Variants in MAGI2 observed in about 807,000 individuals in gnomAD.
The protein encoded by MAGI2 is membrane-associated guanylate kinase, WW and PDZ domain-containing protein 2.
In MAGI2, 35 loss-of-function variants were observed where a neutral mutation model predicts 133.3. The observed-to-expected ratio is 0.26, with a 90% CI of 0.20 to 0.35. The LOEUF is 0.35. Among genes scored for constraint, MAGI2 ranks in the 10% least tolerant of loss-of-function variants. The pLI is 1.00. For synonymous variants in MAGI2, 729 were observed against 710.6 expected, an observed-to-expected ratio of 1.03 and a Z score of -0.41; for missense variants, 1,636 against 1,863.4, an observed-to-expected ratio of 0.88 and a Z score of 2.25.
chr7:78,688,333 T>C (rs1816598838), intron 2 of MAGI2, among the ~76,000 whole-genome samples: 1 of 152,186 alleles, frequency 6.6e-6, no homozygotes, highest in Non-Finnish European at 1.5e-5. Flanking sequence ...CTCACTACGA[T>C]AAAGGAAAGG....
chr7:78,366,310 TTTTTA>T (rs1288114536), intron 7 of MAGI2, among the ~76,000 whole-genome samples: 1 of 152,070 alleles, frequency 6.6e-6, no homozygotes, highest in Non-Finnish European at 1.5e-5. Flanking sequence ...ACCTAGACAG[TTTTTA>T]TTTTATATTT....
chr7:78,350,404 C>G (rs991937131), intron 7 of MAGI2: 2 of 152,176 alleles, frequency 1.3e-5, no homozygotes, highest in African/African-American at 4.8e-5. Context: ...GAATGAGATC[C>G]ACAGGCATTG....
intron 2 of MAGI2, among the ~76,000 whole-genome samples, chr7:78,890,271 A>G (rs1796632056): frequency 6.6e-6 from 1 of 151,844 alleles, no homozygotes; most frequent in Admixed American, 6.5e-5. Context: ...ACCACACAAT[A>G]ATAATGGGGG....
chr7:79,128,197 G>T (rs115730285), intron 1 of MAGI2, among the ~76,000 whole-genome samples: 2,285 of 148,178 alleles, frequency 0.015, 64 homozygotes, highest in African/African-American at 0.054. Flanking sequence ...TTTTTTTTTT[G>T]ACCCAGAAAC....
chr7:78,573,240 A>ATAAATATATATATT (rs1801786153), intron 3 of MAGI2, among the ~76,000 whole-genome samples: 2 of 46,780 alleles, frequency 4.3e-5, no homozygotes, highest in African/African-American at 2.0e-4. Flanking sequence ...ATAAATATAT[A>ATAAATATATATATT]TATATAAATA....
intron 20 of MAGI2, among the ~76,000 whole-genome samples, chr7:78,119,240 A>T (rs1365114853): frequency 1.3e-5 from 2 of 152,206 alleles, no homozygotes; most frequent in African/African-American, 4.8e-5. Flanking sequence ...GATACATGCC[A>T]TTATACATTT....
chr7:79,132,528 T>C lies in MAGI2; in HGVS notation c.302-125322A>G, dbSNP rs115696081. ...TGGTGTATACATACTACATTTTCTT[T>C]ATCCACTCATTAGTCAATGGGCACT... On this transcript the variant is annotated intron_variant, in intron 1 of 21. Coordinates refer to ENST00000354212, the MANE Select transcript of MAGI2 (RefSeq NM_012301.4). 5.5e-3 allele frequency among the ~76,000 whole-genome samples: 832 copies of C among 152,312 alleles called. 11 individuals are homozygous for C. Among genetic ancestry groups the C allele is most frequent in the African/African-American group, 0.019 (793 of 41,578 alleles).
intron 2 of MAGI2, among the ~76,000 whole-genome samples, chr7:78,821,916 T>A (rs1436046520): frequency 6.6e-6 from 1 of 152,056 alleles, no homozygotes; most frequent in Non-Finnish European, 1.5e-5. Flanking sequence ...TACCTTTATC[T>A]GAATTTGGAG....
intron 2 of MAGI2, among the ~76,000 whole-genome samples, chr7:78,834,386 A>G (rs1046766844): frequency 2.6e-5 from 4 of 152,188 alleles, no homozygotes. Flanking sequence ...CTATGCAACT[A>G]CTAAGCCACT....
chr7:79,143,353 T>C (rs1822309598), intron 1 of MAGI2, among the ~76,000 whole-genome samples: 1 of 152,204 alleles, frequency 6.6e-6, no homozygotes, highest in Non-Finnish European at 1.5e-5. Context: ...TGTTTCAGTA[T>C]TAAGTGATGT....
intron 1 of MAGI2, among the ~76,000 whole-genome samples, chr7:79,242,595 C>A (rs1406218270): frequency 6.6e-6 from 1 of 152,034 alleles, no homozygotes; most frequent in African/African-American, 2.4e-5. Context: ...TTTTATGGCA[C>A]TTGGATTTGA....
chr7:79,085,320 G>T (rs994533961), intron 1 of MAGI2, among the ~76,000 whole-genome samples: 1 of 151,560 alleles, frequency 6.6e-6, no homozygotes, highest in African/African-American at 2.4e-5. Context: ...ATATATTTTT[G>T]ACTCTTTTTT....
chr7:78,521,108 G>A (rs887583586), intron 4 of MAGI2, among the ~76,000 whole-genome samples: 2 of 151,888 alleles, frequency 1.3e-5, no homozygotes. Flanking sequence ...TCTTATAGAA[G>A]TTTCAATCAT....
At chr7:78,923,898 G>T (rs1320081585) in intron 2 of MAGI2, among the ~76,000 whole-genome samples, 2 of 152,128 alleles carry the variant, frequency 1.3e-5, no homozygotes, top group Non-Finnish European at 2.9e-5. Context: ...TCTCCTTGAA[G>T]AGGTCTTTCA....
At chr7:79,232,663 G>A (rs1436822710) in intron 1 of MAGI2, among the ~76,000 whole-genome samples, 1 of 120,448 alleles carries the variant, frequency 8.3e-6, no homozygotes, top group South Asian at 3.0e-4. Flanking sequence ...TTTTTATTGT[G>A]TCTATTTGAT....
At chr7:79,019,105 C>T (rs989887370) in intron 1 of MAGI2, among the ~76,000 whole-genome samples, 1 of 152,174 alleles carries the variant, frequency 6.6e-6, no homozygotes, top group African/African-American at 2.4e-5. Context: ...CTCATTTGCA[C>T]ATGACACACA....
chr7:79,358,150 G>T (rs1213386956), intron 1 of MAGI2, among the ~76,000 whole-genome samples: 1 of 151,768 alleles, frequency 6.6e-6, no homozygotes, highest in Non-Finnish European at 1.5e-5. Flanking sequence ...CTCTGCTGTT[G>T]TAGTTATAGT....
At chr7:79,131,982 C>T (rs891435216) in intron 1 of MAGI2, among the ~76,000 whole-genome samples, 2 of 151,930 alleles carry the variant, frequency 1.3e-5, no homozygotes, top group Non-Finnish European at 2.9e-5. Flanking sequence ...ATTCATTTTT[C>T]CTCTAGCTTT....
At chr7:78,296,093 T>C (rs1797206171) in intron 9 of MAGI2, among the ~76,000 whole-genome samples, 1 of 152,198 alleles carries the variant, frequency 6.6e-6, no homozygotes, top group Admixed American at 6.6e-5. Flanking sequence ...CTGGTCGTCC[T>C]GCTTCTACTC....
Sources: allele counts gnomAD v4.1 joint callset (sites outside exome capture counted in the v4.1 genomes callset), GRCh38; gene constraint gnomAD v4.1.1; transcripts MANE v1.5; gene names NCBI Gene and HGNC (gene_info 2026-07-23, HGNC 2026-07-21).